ZNF100: variants seen among roughly 807,000 people sequenced by gnomAD.
ZNF100 encodes zinc finger protein 100 (Y1).
ZNF100 carries 12 observed loss-of-function variants against 15.8 expected under a neutral mutation model. The observed-to-expected ratio is 0.76, with a 90% CI of 0.49 to 1.23. The LOEUF is 1.23. Among genes scored for constraint, ZNF100 ranks in the 50% most tolerant of loss-of-function variants. The pLI is 0.00. For synonymous variants in ZNF100, 226 were observed against 214.8 expected, an observed-to-expected ratio of 1.05 and a Z score of -0.45; for missense variants, 670 against 635.6, an observed-to-expected ratio of 1.05 and a Z score of -0.58.
At chr19:21,751,203 T>C in intron 2 of ZNF100, 1 of 1,305,938 alleles carries the variant, frequency 7.7e-7, no homozygotes. Context: ...CTAAAAAGTA[T>C]AGCTCATGCT....
rs149182636 is a variant in ZNF100, at chr19:21,727,337, A to T, written c.975T>A (p.Ala325=). ...KPYKCTECGK[A]FNRSSHLTTH... is the part of the protein sequence containing the mutation. ...TAGTAAGGTGTGAGGACCGGTTAAAAGCTTTGCCACATTCTGTACATTTGT... is the reference window on the plus strand; with the variant it reads ...TAGTAAGGTGTGAGGACCGGTTAAATGCTTTGCCACATTCTGTACATTTGT... Residue 325 remains alanine, a synonymous_variant, in exon 5 of 5, where the codon GCT becomes GCA. Coordinates refer to ENST00000358296, the MANE Select transcript of ZNF100 (RefSeq NM_173531.4). The T allele has an allele frequency of 9.1e-4, 1,470 of 1,606,956 alleles. 11 individuals are homozygous for T. In the African/African-American group the frequency reaches 0.018, roughly 20 times the overall value.
intron 4 of ZNF100, among the ~76,000 whole-genome samples, chr19:21,739,296 G>A (rs1202939078): frequency 1.3e-5 from 2 of 152,174 alleles, no homozygotes; most frequent in East Asian, 1.9e-4. Flanking sequence ...TGGCTGATAC[G>A]CATAATTTCA....
chr19:21,757,692 A>G lies in ZNF100; in HGVS notation c.96+8002T>C, dbSNP rs369415135. ...TCATTTCAGCACTGTTTACAATAAC[A>G]AAGACATGGAATAAACCTAAATGCC... On this transcript the variant is annotated intron_variant, in intron 2 of 4. Transcript: ENST00000358296. Among the ~76,000 whole-genome samples, 237 of 152,330 alleles carry G rather than the reference A, an allele frequency of 1.6e-3. 2 individuals carry two copies. The Middle Eastern group carries it at 0.037, about 24-fold the overall frequency.
chr19:21,741,489 C>T (rs1275068570), intron 4 of ZNF100, among the ~76,000 whole-genome samples: 1 of 152,076 alleles, frequency 6.6e-6, no homozygotes, highest in Admixed American at 6.6e-5. Context: ...ATTCTTCTGC[C>T]TCAGCCTCCC....
intron 2 of ZNF100, among the ~76,000 whole-genome samples, chr19:21,764,399 T>C: frequency 6.6e-6 from 1 of 152,246 alleles, no homozygotes; most frequent in South Asian, 2.1e-4. Flanking sequence ...ATTCCAGCAC[T>C]TCGGGAGGCC....
At chr19:21,749,041 CT>C (rs1371296294) in intron 2 of ZNF100, among the ~76,000 whole-genome samples, 1 of 152,202 alleles carries the variant, frequency 6.6e-6, no homozygotes, top group Admixed American at 6.5e-5. Flanking sequence ...TTGCACACAT[CT>C]ATTCACCGTA....
In ZNF100 at chr19:21,727,307, G is replaced by C. The variant is rs749862308; in HGVS notation, c.1005C>G (p.His335Gln). Reference protein sequence around the residue: ...AFNRSSHLTTHRIIHTGEKPY... With the variant: ...AFNRSSHLTTQRIIHTGEKPY... ...GTTTCTCTCCAGTATGAATTATCCT[G>C]TGTGTAGTAAGGTGTGAGGACCGGT... Residue 335 changes from histidine to glutamine, a missense_variant, in exon 5 of 5, where the codon CAC (histidine) becomes CAG (glutamine). Physicochemically the swap from His to Gln is conservative, Grantham distance 24 (BLOSUM62 0). Coordinates refer to ENST00000358296, the MANE Select transcript of ZNF100 (RefSeq NM_173531.4). The C allele has an allele frequency of 6.8e-6, 11 of 1,610,570 alleles. No individual in the cohort carries two copies. Among genetic ancestry groups the C allele is most frequent in the Non-Finnish European group, 9.3e-6 (11 of 1,178,496 alleles).
At chr19:21,734,160 C>G (rs1273997204) in intron 4 of ZNF100, among the ~76,000 whole-genome samples, 1 of 152,166 alleles carries the variant, frequency 6.6e-6, no homozygotes, top group Admixed American at 6.5e-5. Context: ...CTCTACTCCT[C>G]CAAATAATCA....
chr19:21,742,861 T>C (rs1435617878), intron 4 of ZNF100, among the ~76,000 whole-genome samples: 13 of 152,116 alleles, frequency 8.5e-5, no homozygotes, highest in African/African-American at 2.9e-4. Context: ...AACAATCTTA[T>C]TTACAATAGC....
chr19:21,748,340 C>CA (rs903764386), intron 2 of ZNF100, among the ~76,000 whole-genome samples: 1 of 152,104 alleles, frequency 6.6e-6, no homozygotes, highest in African/African-American at 2.4e-5. Context: ...AGAAGGCCTT[C>CA]AAAAAGGGTG....
At position 21,723,845 on chromosome 19, in the gene ZNF100, C is replaced by T. The variant is rs933394134; in HGVS notation, c.*2838G>A. On this transcript the variant is annotated 3_prime_UTR_variant, in exon 5 of 5. Coordinates refer to ENST00000358296, the MANE Select transcript of ZNF100 (RefSeq NM_173531.4). ...CAAATTGACTCAATAAATAAATTTA[C>T]TTATGTCAACTATAAAAAGTGAAAA... 2.0e-5 allele frequency: 3 copies of T among 152,116 alleles called. No homozygotes were observed. Among genetic ancestry groups the T allele is most frequent in the African/African-American group, 7.2e-5 (3 of 41,404 alleles). The allele number at this position is 152,116 out of a possible 1,614,324, so 9.4% of individuals were successfully genotyped here. A position where few individuals can be genotyped will look rare whatever the true frequency, so the allele number is the denominator to read the frequency against.
chr19:21,734,980 C>G (rs2035982921), intron 4 of ZNF100, among the ~76,000 whole-genome samples: 2 of 152,140 alleles, frequency 1.3e-5, no homozygotes, highest in Non-Finnish European at 2.9e-5. Flanking sequence ...GAAATGAAAT[C>G]ATTTTCAGAC....
At chr19:21,750,343 T>C (rs1199576244) in intron 2 of ZNF100, among the ~76,000 whole-genome samples, 1 of 152,102 alleles carries the variant, frequency 6.6e-6, no homozygotes, top group African/African-American at 2.4e-5. Flanking sequence ...TTTCAGCTCA[T>C]TATATAAAAA....
At chr19:21,751,083 C>A in intron 2 of ZNF100, 1 of 1,434,180 alleles carries the variant, frequency 7.0e-7, no homozygotes, top group Non-Finnish European at 9.8e-7. Flanking sequence ...TGGAGTCAAA[C>A]CCTTCTGACC....
intron 4 of ZNF100, among the ~76,000 whole-genome samples, chr19:21,734,807 C>T (rs1432580038): frequency 3.3e-5 from 5 of 151,984 alleles, no homozygotes; most frequent in Non-Finnish European, 5.9e-5. Context: ...GACAGCCAAC[C>T]GGAAGGCCAG....
At chr19:21,749,995 G>A (rs1286968998) in intron 2 of ZNF100, among the ~76,000 whole-genome samples, 1 of 151,600 alleles carries the variant, frequency 6.6e-6, no homozygotes, top group African/African-American at 2.4e-5. Context: ...TCAAAGGAGA[G>A]CTCCCCTCAT....
chr19:21,740,156 G>C (rs1273513377), intron 4 of ZNF100, among the ~76,000 whole-genome samples: 1 of 152,242 alleles, frequency 6.6e-6, no homozygotes, highest in East Asian at 1.9e-4. Flanking sequence ...AGAATAGAGA[G>C]TTCAGAAATG....
rs180941718 is a variant in ZNF100, at chr19:21,726,716, A to G, written c.1596T>C (p.Asn532=). The G allele has an allele frequency of 2.1e-4, 333 of 1,608,154 alleles. 1 individual carries two copies. The African/African-American group carries it at 3.8e-3, about 19-fold the overall frequency. The part of the protein sequence containing the change: ...FNQSLSLIKQ[N]NSYWRETLQM ...GTAGGGTTTCTCTCCAGTATGAGTT[A>G]TTTTGTTTAATAAGGCTTAGGGACT... The change falls in exon 5 of 5, where the codon AAT becomes AAC. Residue 532 remains asparagine, a synonymous_variant. Transcript: ENST00000358296.
At chr19:21,729,665 T>A (rs2035878770) in intron 4 of ZNF100, among the ~76,000 whole-genome samples, 1 of 152,172 alleles carries the variant, frequency 6.6e-6, no homozygotes, top group Admixed American at 6.5e-5. Context: ...TATATACTTT[T>A]ACTTCTAAGT....
Sources: gnomAD v4.1 joint callset for allele counts (sites outside exome capture counted in the v4.1 genomes callset) on GRCh38, gnomAD v4.1.1 for gene constraint, MANE v1.5 for transcripts, NCBI Gene and HGNC (gene_info 2026-07-23, HGNC 2026-07-21) for gene names.